The following GALNT14 variants were observed in gnomAD, a reference collection of about 807,000 sequenced individuals.
The protein encoded by GALNT14 is UDP-GalNAc:polypeptide N-acetylgalactosaminyltransferase 14.
In GALNT14, 60 loss-of-function variants were observed where a neutral mutation model predicts 77.5. The observed-to-expected ratio is 0.77, with a 90% CI of 0.63 to 0.96. GALNT14 has a LOEUF of 0.96. GALNT14 is among the 40% of genes least tolerant of loss of function. The pLI, the probability that GALNT14 is intolerant of heterozygous loss-of-function variation, is 0.00. For missense variants in GALNT14, 710 were observed against 731.0 expected (o/e 0.97, Z 0.33); for synonymous variants, 280 against 281.7 (o/e 0.99, Z 0.06).
intron 1 of GALNT14, among the ~76,000 whole-genome samples, chr2:31,028,891 G>C (rs1672237849): frequency 6.6e-6 from 1 of 152,178 alleles, no homozygotes; most frequent in South Asian, 2.1e-4. Context: ...AGCAGCAACG[G>C]CTGAGAGTAG....
chr2:30,932,282 C>T (rs532452109), intron 9 of GALNT14, 88 bp from the exon 10 acceptor site: 7 of 1,265,886 alleles, frequency 5.5e-6, no homozygotes, highest in Middle Eastern at 2.0e-4. Context: ...GTGAGGCCCC[C>T]GCAGAGGCGA....
chr2:31,115,539 T>C (rs1453022808), intron 1 of GALNT14, among the ~76,000 whole-genome samples: 2 of 152,100 alleles, frequency 1.3e-5, no homozygotes, highest in Admixed American at 6.5e-5. Flanking sequence ...AATATTAAAG[T>C]GACTGGAAAC....
Position 30,993,018 on chromosome 2 carries a change from C to T in GALNT14, c.130-11G>A, listed in dbSNP as rs771560318. 29 of 1,613,312 alleles carry T rather than the reference C, an allele frequency of 1.8e-5. No homozygotes were observed. Among genetic ancestry groups the T allele is most frequent in the Middle Eastern group, 3.4e-4 (2 of 5,936 alleles). On this transcript the variant is annotated splice_polypyrimidine_tract_variant and intron_variant, in intron 1 of 14. Transcript: ENST00000349752. ...GTCAGCGTCCGAAGGCTGCGTGACA[C>T]GAATGGGAAGTCTGTGAGAACGGCT...
intron 2 of GALNT14, among the ~76,000 whole-genome samples, chr2:30,987,881 T>C (rs917667854): frequency 2.0e-5 from 3 of 152,078 alleles, no homozygotes; most frequent in Non-Finnish European, 2.9e-5. Context: ...ATCCTATAAA[T>C]CAGAATCCAA....
chr2:30,993,443 A>G (rs1669838130), intron 1 of GALNT14, among the ~76,000 whole-genome samples: 1 of 152,234 alleles, frequency 6.6e-6, no homozygotes, highest in African/African-American at 2.4e-5. Context: ...ATCTGAGAAT[A>G]CCTGGTATGA....
chr2:31,111,429 TCAA>T (rs1272447044), intron 1 of GALNT14, among the ~76,000 whole-genome samples: 1 of 152,374 alleles, frequency 6.6e-6, no homozygotes, highest in South Asian at 2.1e-4. Flanking sequence ...GTTCACTGAA[TCAA>T]CAACAGGAAA....
Position 30,923,771 on chromosome 2 carries a change from G to A in GALNT14, c.1380+348C>T, listed in dbSNP as rs779488609. Among the ~76,000 whole-genome samples the A allele has an allele frequency of 2.0e-5, 3 of 152,184 alleles. No individual in the cohort carries two copies. The South Asian group carries it at 6.2e-4, about 32-fold the overall frequency. ...CTCCCTCTTTGCATTTCACATCTGC[G>A]AGCTAGCTGTGCCATTGGCCTTGCC... is the stretch of plus-strand genomic sequence containing the variant. On this transcript the variant is annotated intron_variant, in intron 13 of 14. Coordinates refer to ENST00000349752, the MANE Select transcript of GALNT14 (RefSeq NM_024572.4).
chr2:30,926,113 C>A (rs1665361605), intron 11 of GALNT14, among the ~76,000 whole-genome samples: 1 of 152,210 alleles, frequency 6.6e-6, no homozygotes, highest in Admixed American at 6.5e-5. Context: ...GAGCACCAAC[C>A]ACAGCTCATC....
intron 1 of GALNT14, among the ~76,000 whole-genome samples, chr2:31,077,027 T>C (rs1675846325): frequency 6.6e-6 from 1 of 152,240 alleles, no homozygotes; most frequent in African/African-American, 2.4e-5. Context: ...ACTGTTGCTA[T>C]TTATATTAGT....
intron 1 of GALNT14, among the ~76,000 whole-genome samples, chr2:31,103,838 A>G (rs1411599492): frequency 1.3e-5 from 2 of 152,058 alleles, no homozygotes; most frequent in Admixed American, 6.6e-5. Context: ...GTTTAGTTTT[A>G]CAGTTAAAAA....
rs535120488 is a variant in GALNT14, at chr2:31,079,001, G to A, written c.129+58957C>T. The A allele has an allele frequency of 3.1e-6, 4 of 1,288,466 alleles. No individual in the cohort carries two copies. The South Asian group carries it at 3.7e-5, about 12-fold the overall frequency. 79.8% of individuals were successfully genotyped at this position (1,288,466 alleles called of 1,614,324 possible). ...AGGGAGAGCAGGGGAGCTACAGTGG[G>A]CTGCTGAAATTGCATTCAGAACGAA... On this transcript the variant is annotated intron_variant, in intron 1 of 14. Transcript: ENST00000349752.
intron 1 of GALNT14, among the ~76,000 whole-genome samples, chr2:31,015,229 T>C (rs978364948): frequency 4.0e-5 from 6 of 150,286 alleles, no homozygotes; most frequent in Non-Finnish European, 8.9e-5. Context: ...GAGGCTGAGG[T>C]TGCAGTGAGC....
intron 1 of GALNT14, among the ~76,000 whole-genome samples, chr2:31,012,765 A>G (rs1000001129): frequency 2.6e-5 from 4 of 152,192 alleles, no homozygotes; most frequent in African/African-American, 9.6e-5. Flanking sequence ...GGAACACAGT[A>G]TGAAAAAAAA....
At chr2:30,891,221 A>G in the GALNT14 span, among the ~76,000 whole-genome samples, 1 of 152,152 alleles carries the variant, frequency 6.6e-6, no homozygotes, top group African/African-American at 2.4e-5. Context: ...ATTTTCTCAA[A>G]ATACAGATTC....
At chr2:31,028,633 C>T (rs4951960) in intron 1 of GALNT14, among the ~76,000 whole-genome samples, 49,528 of 152,066 alleles carry the variant, frequency 0.33, 8,241 homozygotes, top group Admixed American at 0.45. Context: ...CAGCAGGAGG[C>T]GGGGTAGCGG....
intron 2 of GALNT14, among the ~76,000 whole-genome samples, chr2:30,980,354 C>T (rs991984198): frequency 1.3e-5 from 2 of 152,232 alleles, no homozygotes; most frequent in African/African-American, 2.4e-5. Context: ...TGTTGCTGGT[C>T]CTGATGCCCC....
At chr2:31,047,579 C>T (rs910676375) in intron 1 of GALNT14, among the ~76,000 whole-genome samples, 1 of 152,198 alleles carries the variant, frequency 6.6e-6, no homozygotes, top group African/African-American at 2.4e-5. Flanking sequence ...CCAAGGCATT[C>T]CCTAGTCTCC....
At chr2:31,101,745 T>C (rs2216830) in intron 1 of GALNT14, among the ~76,000 whole-genome samples, 11,053 of 152,136 alleles carry the variant, frequency 0.073, 759 homozygotes, top group African/African-American at 0.17. Context: ...TTCCCCATGA[T>C]ATGGTTTGGC....
chr2:31,059,435 C>T (rs2148537435), intron 1 of GALNT14, among the ~76,000 whole-genome samples: 1 of 152,220 alleles, frequency 6.6e-6, no homozygotes, highest in African/African-American at 2.4e-5. Context: ...ACATCTGTGT[C>T]CCCCTAAAAT....
Sources: allele counts gnomAD v4.1 joint callset (sites outside exome capture counted in the v4.1 genomes callset), GRCh38; gene constraint gnomAD v4.1.1; transcripts MANE v1.5; gene names NCBI Gene and HGNC (gene_info 2026-07-23, HGNC 2026-07-21).